Variants in USP32 observed in about 807,000 individuals in gnomAD.
USP32 encodes the protein ubiquitin carboxyl-terminal hydrolase 32.
In USP32, 59 loss-of-function variants were observed where a neutral mutation model predicts 204.8. The ratio of observed to expected loss-of-function variants is 0.29; its 90% confidence interval spans 0.23 to 0.36. The LOEUF is 0.36. USP32 is among the 10% of genes least tolerant of loss of function. The pLI is 1.00. For missense variants in USP32, 1,160 were observed against 1,946.4 expected, an observed-to-expected ratio of 0.60 and a Z score of 7.60; for synonymous variants, 517 against 678.4, an observed-to-expected ratio of 0.76 and a Z score of 3.70.
intron 13 of USP32, 86 bp downstream of exon 13, chr17:60,225,953 A>G: frequency 6.1e-4 from 1 of 1,644 alleles, no homozygotes; most frequent in Non-Finnish European, 2.3e-3. Flanking sequence ...ACTCAGTCTC[A>G]AAAAAAAAAA....
chr17:60,416,551 GA>G (rs2090063757), intron 1 of USP32, among the ~76,000 whole-genome samples: 1 of 152,170 alleles, frequency 6.6e-6, no homozygotes, highest in Non-Finnish European at 1.5e-5. Flanking sequence ...TTGCCCTATA[GA>G]GTCATTTTAT....
chr17:60,273,117 C>T (rs1415402189), intron 5 of USP32, among the ~76,000 whole-genome samples: 1 of 152,126 alleles, frequency 6.6e-6, no homozygotes, highest in Non-Finnish European at 1.5e-5. Flanking sequence ...GGATAGCAGG[C>T]ATGCACCAGC....
chr17:60,334,903 C>T (rs1389187896), intron 2 of USP32, among the ~76,000 whole-genome samples: 2 of 142,716 alleles, frequency 1.4e-5, no homozygotes, highest in African/African-American at 3.0e-5. Context: ...TCGTGATCCA[C>T]CTGCCTCGGC....
At chr17:60,287,899 G>C (rs902938209) in intron 5 of USP32, among the ~76,000 whole-genome samples, 1 of 151,964 alleles carries the variant, frequency 6.6e-6, no homozygotes, top group Non-Finnish European at 1.5e-5. Context: ...GGATCACGAG[G>C]TCAGGAAATC....
At chr17:60,180,448 T>C (rs2145348031) in intron 33 of USP32, 97 bp downstream of exon 33, 4 of 1,318,162 alleles carry the variant, frequency 3.0e-6, no homozygotes, top group Non-Finnish European at 4.3e-6. Context: ...GAAATATCTA[T>C]TTCCTATTCA....
Position 60,238,499 on chromosome 17 carries a change from C to A in USP32, c.1137-2259G>T, listed in dbSNP as rs1200526904. On this transcript the variant is annotated intron_variant, in intron 11 of 33. Transcript: ENST00000300896. ...CCTGGGCAACATGGCAAACCCTCAT[C>A]TCTACAAAATATACAAAAATTAGCT... 2.0e-5 allele frequency among the ~76,000 whole-genome samples: 3 copies of A among 151,910 alleles called. No individual in the cohort carries two copies. The East Asian group carries it at 5.8e-4, about 29-fold the overall frequency.
At chr17:60,236,603 T>C (rs941407663) in intron 11 of USP32, among the ~76,000 whole-genome samples, 4 of 152,332 alleles carry the variant, frequency 2.6e-5, no homozygotes, top group East Asian at 1.9e-4. Context: ...TTTACATATA[T>C]ATAAAACTTA....
intron 1 of USP32, among the ~76,000 whole-genome samples, chr17:60,382,919 T>C (rs761893992): frequency 6.6e-6 from 1 of 152,134 alleles, no homozygotes; most frequent in Non-Finnish European, 1.5e-5. Flanking sequence ...CTACATACTA[T>C]ATTTAGGACT....
intron 27 of USP32, 127 bp from the exon 28 acceptor site, chr17:60,193,057 C>T: frequency 8.8e-6 from 8 of 904,150 alleles, no homozygotes; most frequent in Non-Finnish European, 1.4e-5. Context: ...ATGTTGACAG[C>T]TCAATGTTAC....
chr17:60,357,105 G>A (rs577405947), intron 1 of USP32, among the ~76,000 whole-genome samples: 6 of 152,118 alleles, frequency 3.9e-5, no homozygotes, highest in African/African-American at 1.4e-4. Flanking sequence ...CAAAACAATT[G>A]CAAAATTTGA....
At chr17:60,227,641 G>A (rs910533927) in intron 12 of USP32, among the ~76,000 whole-genome samples, 12 of 150,498 alleles carry the variant, frequency 8.0e-5, no homozygotes, top group South Asian at 4.2e-4. Flanking sequence ...TTGAACTCCC[G>A]GCCTCAAGCA....
intron 1 of USP32, among the ~76,000 whole-genome samples, chr17:60,349,625 TA>T (rs2088893543): frequency 3.8e-5 from 2 of 52,692 alleles, no homozygotes; most frequent in African/African-American, 2.3e-4. Context: ...ATATATATAT[TA>T]TATATATATA....
chr17:60,288,490 G>T, intron 5 of USP32, 33 bp downstream of exon 5: 1 of 1,554,344 alleles, frequency 6.4e-7, no homozygotes, highest in South Asian at 1.2e-5. Context: ...ATAAAAAAAG[G>T]CAAACAGAAA....
intron 2 of USP32, among the ~76,000 whole-genome samples, chr17:60,323,447 T>C (rs2088160090): frequency 6.6e-6 from 1 of 152,160 alleles, no homozygotes; most frequent in African/African-American, 2.4e-5. Context: ...GTATATTAGT[T>C]GGCCAAAGGC....
At chr17:60,382,564 C>T (rs2089663295) in intron 1 of USP32, among the ~76,000 whole-genome samples, 1 of 151,632 alleles carries the variant, frequency 6.6e-6, no homozygotes, top group Non-Finnish European at 1.5e-5. Flanking sequence ...GAGTCTTAGA[C>T]CAAGAAAAAA....
At chr17:60,271,812 CTTTTT>C (rs907699792) in intron 5 of USP32, among the ~76,000 whole-genome samples, 1 of 142,708 alleles carries the variant, frequency 7.0e-6, no homozygotes, top group East Asian at 2.0e-4. Context: ...TTTTTTTCTT[CTTTTT>C]TTTTTTTTAA....
intron 2 of USP32, among the ~76,000 whole-genome samples, chr17:60,325,080 T>A (rs1432377719): frequency 6.6e-6 from 1 of 151,460 alleles, no homozygotes; most frequent in East Asian, 2.0e-4. Context: ...TAGGAAAAAA[T>A]AAGGCAATTT....
chr17:60,212,844 C>G (rs1196389312), intron 18 of USP32, among the ~76,000 whole-genome samples: 1 of 151,984 alleles, frequency 6.6e-6, no homozygotes, highest in Non-Finnish European at 1.5e-5. Context: ...ACCTCCGCCT[C>G]CTGGGCTTGA....
At chr17:60,182,446 C>T (rs937598759) in intron 31 of USP32, among the ~76,000 whole-genome samples, 1 of 152,162 alleles carries the variant, frequency 6.6e-6, no homozygotes, top group African/African-American at 2.4e-5. Flanking sequence ...TGAAAAGGCA[C>T]ATATTGTCTT....
Sources: allele counts gnomAD v4.1 joint callset (sites outside exome capture counted in the v4.1 genomes callset), GRCh38; gene constraint gnomAD v4.1.1; transcripts MANE v1.5; gene names NCBI Gene and HGNC (gene_info 2026-07-23, HGNC 2026-07-21).